The following EDC3 variants were observed in gnomAD, a reference collection of about 807,000 sequenced individuals.
EDC3 encodes the protein enhancer of mRNA-decapping protein 3.
Under a neutral mutation model 41.8 loss-of-function variants are expected in EDC3, and 20 were observed. The observed-to-expected ratio is 0.48, with a 90% confidence interval of 0.34 to 0.70. EDC3 has a LOEUF of 0.70. Among genes scored for constraint, EDC3 ranks in the 30% least tolerant of loss-of-function variants. The pLI, the probability that EDC3 is intolerant of heterozygous loss-of-function variation, is 0.01. For synonymous variants in EDC3, 206 were observed against 243.2 expected (o/e 0.85, Z 1.42); for missense variants, 444 against 636.8 (o/e 0.70, Z 3.26).
intron 3 of EDC3, among the ~76,000 whole-genome samples, chr15:74,666,602 A>G (rs951635983): frequency 6.6e-6 from 1 of 152,230 alleles, no homozygotes; most frequent in African/African-American, 2.4e-5. Context: ...AAAGGGCTAC[A>G]TACTGTATGA....
intron 4 of EDC3, among the ~76,000 whole-genome samples, chr15:74,653,577 G>A (rs1449705465): frequency 1.3e-5 from 2 of 152,182 alleles, no homozygotes; most frequent in East Asian, 1.9e-4. Flanking sequence ...AAAACCAGAT[G>A]GCATGAAGCT....
At chr15:74,686,681 G>T (rs1356249719) in intron 1 of EDC3, among the ~76,000 whole-genome samples, 2 of 152,154 alleles carry the variant, frequency 1.3e-5, no homozygotes, top group Admixed American at 1.3e-4. Flanking sequence ...TTAGGAGGCT[G>T]AGGTGGGAAA....
intron 4 of EDC3, chr15:74,644,283 G>A (rs1210153954): frequency 1.3e-5 from 2 of 152,262 alleles, no homozygotes; most frequent in Non-Finnish European, 2.9e-5. Context: ...TCAAGAGACA[G>A]TTCGCTTCAC....
In EDC3 at chr15:74,671,543, C is replaced by T. The variant is rs200931517; in HGVS notation, c.396G>A (p.Pro132=). ...DVKSQDVAVS[P]QQQQCSKSYV... Reference sequence around the variant, plus strand: ...AGCTCTTTGAGCACTGTTGCTGCTGCGGGGAAACGGCAACATCCTGGCTCT... The same window carrying T: ...AGCTCTTTGAGCACTGTTGCTGCTGTGGGGAAACGGCAACATCCTGGCTCT... The change falls in exon 3 of 7, where the codon CCG becomes CCA. Residue 132 remains proline, a synonymous_variant. Transcript: ENST00000315127. The surrounding 1 kb of genome is among the most constrained non-coding windows in gnomAD (Gnocchi z 4.6). 4.3e-5 allele frequency: 69 copies of T among 1,614,176 alleles called. 1 individual carries two copies. The East Asian group carries it at 6.0e-4, about 14-fold the overall frequency.
intron 2 of EDC3, among the ~76,000 whole-genome samples, chr15:74,673,916 G>A (rs1285186145): frequency 6.6e-6 from 1 of 151,350 alleles, no homozygotes; most frequent in Non-Finnish European, 1.5e-5. Context: ...AATAAAAGCT[G>A]AGAAAAGAAC....
chr15:74,656,183 A>G, intron 3 of EDC3, 115 bp from the exon 4 acceptor site: 1 of 1,004,414 alleles, frequency 1.0e-6, no homozygotes, highest in Non-Finnish European at 1.5e-6. Context: ...AAAATGGTAA[A>G]GGTAACTATT....
chr15:74,659,514 G>T (rs1013069744), intron 3 of EDC3, among the ~76,000 whole-genome samples: 1 of 130,984 alleles, frequency 7.6e-6, no homozygotes, highest in African/African-American at 3.1e-5. Flanking sequence ...ATATATATAG[G>T]CAAATAATGA....
chr15:74,637,890 T>C (rs2062293081), intron 5 of EDC3: 1 of 152,134 alleles, frequency 6.6e-6, no homozygotes, highest in African/African-American at 2.4e-5. Flanking sequence ...GATCTGTGAG[T>C]GCTGCTCAGG....
chr15:74,669,646 C>T (rs1425925997), intron 3 of EDC3, among the ~76,000 whole-genome samples: 1 of 152,096 alleles, frequency 6.6e-6, no homozygotes, highest in Non-Finnish European at 1.5e-5. Flanking sequence ...CACACTAAAA[C>T]CTTACTACAT....
chr15:74,643,524 G>A (rs35508003), intron 4 of EDC3: 2 of 152,366 alleles, frequency 1.3e-5, no homozygotes, highest in African/African-American at 4.8e-5. Context: ...CACTGCATGA[G>A]GCTGAGGCTG....
At chr15:74,658,476 T>G (rs1243498099) in intron 3 of EDC3, among the ~76,000 whole-genome samples, 2 of 151,986 alleles carry the variant, frequency 1.3e-5, no homozygotes, top group African/African-American at 2.4e-5. Context: ...GTTTCTAGCA[T>G]TAACAAATTA....
chr15:74,635,147 C>T, intron 6 of EDC3: 1 of 667,022 alleles, frequency 1.5e-6, no homozygotes, highest in Middle Eastern at 2.4e-4. Flanking sequence ...TTGCCATATC[C>T]CTAGCATCAG....
chr15:74,647,309 A>G (rs1196861434), intron 4 of EDC3, among the ~76,000 whole-genome samples: 1 of 152,076 alleles, frequency 6.6e-6, no homozygotes, highest in Non-Finnish European at 1.5e-5. Flanking sequence ...TAGAAATCAA[A>G]CTCCTTTCTC....
rs574122461 is a variant in EDC3, at chr15:74,653,966, T to C, written c.820+1767A>G. 3.9e-5 allele frequency among the ~76,000 whole-genome samples: 6 copies of C among 152,054 alleles called. No individual in the cohort carries two copies. In the South Asian group the frequency reaches 1.2e-3, roughly 32 times the overall value. On this transcript the variant is annotated intron_variant, in intron 4 of 6. Coordinates refer to ENST00000315127, the MANE Select transcript of EDC3 (RefSeq NM_025083.5). ...TTCCCAAGTTAAAAAAATCCTGCAG[T>C]GTAGGGCTGGGCGCGGTGGCTCACA...
chr15:74,670,479 G>C (rs1401877763), intron 3 of EDC3, among the ~76,000 whole-genome samples: 1 of 152,114 alleles, frequency 6.6e-6, no homozygotes, highest in Admixed American at 6.6e-5. Flanking sequence ...CTATCGCCCA[G>C]GCTGGAGTGG....
rs2062203391 is a variant in EDC3, at chr15:74,631,253, T to A, written c.*1359A>T. On this transcript the variant is annotated 3_prime_UTR_variant, in exon 7 of 7. Transcript: ENST00000315127. The stretch of plus-strand genomic sequence containing the variant: ...CCACAATCCTTGGTGAGCCCTTCTG[T>A]CCACCCATCCACCCGCTCAGCCAGC... 2 of 152,542 alleles carry A rather than the reference T, an allele frequency of 1.3e-5. No homozygotes were observed. Among genetic ancestry groups the A allele is most frequent in the African/African-American group, 4.8e-5 (2 of 41,570 alleles). The allele number at this position is 152,542 out of a possible 1,614,324, so 9.4% of individuals were successfully genotyped here.
At chr15:74,665,979 G>A (rs1313081343) in intron 3 of EDC3, among the ~76,000 whole-genome samples, 2 of 151,642 alleles carry the variant, frequency 1.3e-5, no homozygotes, top group Admixed American at 6.6e-5. Context: ...TTGTATTTGT[G>A]TACAGACGGG....
At position 74,632,356 on chromosome 15, in the gene EDC3, C is replaced by G; in HGVS notation, c.*256G>C. On this transcript the variant is annotated 3_prime_UTR_variant, in exon 7 of 7. Transcript: ENST00000315127. This position sits in a 1 kb window ranked among gnomAD's most constrained non-coding sequence, Gnocchi z 4.0. ...GGCTGTAAACAAAGGCCCACCTGGC[C>G]GTGCAGGGGGCTGAGGGTAGAGATG... 1 of 538,040 alleles carries G rather than the reference C, an allele frequency of 1.9e-6. No homozygotes were observed. Among genetic ancestry groups the G allele is most frequent in the Non-Finnish European group, 3.3e-6 (1 of 299,424 alleles). 33.3% of individuals were successfully genotyped at this position (538,040 alleles called of 1,614,324 possible).
In EDC3 at chr15:74,674,946, A is replaced by G. The variant is rs1385920840; in HGVS notation, c.164+15T>C. 6.2e-7 allele frequency: 1 copy of G among 1,613,654 alleles called. No individual in the cohort carries two copies. Among genetic ancestry groups the G allele is most frequent in the Non-Finnish European group, 8.5e-7 (1 of 1,179,944 alleles). ...CCACCAGGTTGGATTCAGAAGAGTC[A>G]GTCAGGACACTCACCTGAAGGTGAC... is the stretch of plus-strand genomic sequence containing the variant. On this transcript the variant is annotated intron_variant, in intron 2 of 6. Coordinates refer to ENST00000315127, the MANE Select transcript of EDC3 (RefSeq NM_025083.5).
Sources: allele counts gnomAD v4.1 joint callset (sites outside exome capture counted in the v4.1 genomes callset), GRCh38; gene constraint gnomAD v4.1.1; non-coding constraint Gnocchi (gnomAD v3.1); transcripts MANE v1.5; gene names NCBI Gene and HGNC (gene_info 2026-07-23, HGNC 2026-07-21).